Variants in AP3S2 observed in about 807,000 individuals in gnomAD.
AP3S2 encodes the protein AP-3 complex subunit sigma-2.
Under a neutral mutation model 23.4 loss-of-function variants are expected in AP3S2, and 22 were observed. The ratio of observed to expected loss-of-function variants is 0.94; its 90% CI spans 0.67 to 1.34. The LOEUF (loss-of-function observed/expected upper bound fraction) is 1.34, where lower values mean the gene tolerates loss of function less well. Ranked by LOEUF, AP3S2 falls within the 40% of genes most tolerant of loss-of-function variation. The probability of loss-of-function intolerance (pLI) is 0.00; values close to 1 mark genes in which losing one functional copy is unlikely to be tolerated. For synonymous variants in AP3S2, 86 were observed against 87.1 expected (o/e 0.99, Z 0.07); for missense variants, 241 against 236.9 (o/e 1.02, Z -0.11).
rs1349816144 is a variant in AP3S2, at chr15:89,854,087, G to C, written c.346-16365C>G. On this transcript the variant is annotated intron_variant, in intron 4 of 5. Transcript: ENST00000336418. Reference sequence around the variant, plus strand: ...AGGGAGGTGGGGGGTCAGCCCCCCCGCCCGGCCAGCCGTGCCATCCGGGAG... The same window carrying C: ...AGGGAGGTGGGGGGTCAGCCCCCCCCCCCGGCCAGCCGTGCCATCCGGGAG... Among the ~76,000 whole-genome samples the C allele has an allele frequency of 1.1e-4, 5 of 46,002 alleles. No individual in the cohort carries two copies. In the East Asian group the frequency reaches 5.0e-3, roughly 46 times the overall value. 30.2% of individuals were successfully genotyped at this position (46,002 alleles called of 152,430 possible).
At chr15:89,880,747 C>A in intron 3 of AP3S2, among the ~76,000 whole-genome samples, 1 of 151,644 alleles carries the variant, frequency 6.6e-6, no homozygotes, top group Non-Finnish European at 1.5e-5. Context: ...TCAGTTAACT[C>A]AGTAGAATAA....
chr15:89,847,681 G>T (rs1895530675), intron 4 of AP3S2, among the ~76,000 whole-genome samples: 1 of 152,134 alleles, frequency 6.6e-6, no homozygotes, highest in Non-Finnish European at 1.5e-5. Context: ...GGTACCTGAA[G>T]ATAATAAACA....
At chr15:89,841,691 C>T (rs1156604916) in intron 4 of AP3S2, among the ~76,000 whole-genome samples, 12 of 152,022 alleles carry the variant, frequency 7.9e-5, no homozygotes, top group Admixed American at 3.3e-4. Flanking sequence ...TAAGGGTAAA[C>T]GGACTCACCC....
chr15:89,856,217 A>G lies in AP3S2; in HGVS notation c.345+15258T>C, dbSNP rs115274247. On this transcript the variant is annotated intron_variant, in intron 4 of 5. Coordinates refer to ENST00000336418, the MANE Select transcript of AP3S2 (RefSeq NM_005829.5). ...TGAGCCCACCCCGAAACTAGCCAGT[A>G]TGCACAAGTCATAACCTTCAAAGGC... is the stretch of plus-strand genomic sequence containing the variant. Among the ~76,000 whole-genome samples, 472 of 152,318 alleles carry G rather than the reference A, an allele frequency of 3.1e-3. 6 individuals carry two copies. Among genetic ancestry groups the G allele is most frequent in the African/African-American group, 0.011 (454 of 41,582 alleles).
rs146881793 is a variant in AP3S2, at chr15:89,846,477, C to T, written c.346-8755G>A. On this transcript the variant is annotated intron_variant, in intron 4 of 5. Coordinates refer to ENST00000336418, the MANE Select transcript of AP3S2 (RefSeq NM_005829.5). The stretch of plus-strand genomic sequence containing the variant: ...GATTCAAGCGATCCTACAGCCTTAA[C>T]CTCCCCAGTAGCTGGGACTACAGGC... Among the ~76,000 whole-genome samples, 351 of 152,258 alleles carry T rather than the reference C, an allele frequency of 2.3e-3. 1 individual carries two copies. Among genetic ancestry groups the T allele is most frequent in the African/African-American group, 7.3e-3 (305 of 41,560 alleles).
At position 89,887,092 on chromosome 15, in the gene AP3S2, C is replaced by T. The variant is rs558935101; in HGVS notation, c.273+1429G>A. 3.3e-5 allele frequency among the ~76,000 whole-genome samples: 5 copies of T among 152,178 alleles called. No individual in the cohort carries two copies. The South Asian group carries it at 1.0e-3, about 32-fold the overall frequency. ...ATTACAGGTGTGAGCCACTGCACCC[C>T]GCCTTGAGCTCTTTCTATTATGCTG... On this transcript the variant is annotated intron_variant, in intron 3 of 5. Coordinates refer to ENST00000336418, the MANE Select transcript of AP3S2 (RefSeq NM_005829.5).
chr15:89,860,449 C>T (rs1242801565), intron 4 of AP3S2, among the ~76,000 whole-genome samples: 2 of 152,150 alleles, frequency 1.3e-5, no homozygotes, highest in Non-Finnish European at 2.9e-5. Context: ...AGCTAGTGTA[C>T]ACAGCACGGA....
chr15:89,855,945 TAAAAAAA>T (rs34784306), intron 4 of AP3S2, among the ~76,000 whole-genome samples: 10 of 111,986 alleles, frequency 8.9e-5, no homozygotes, highest in Non-Finnish European at 1.1e-4. Flanking sequence ...ATATGTCCTT[TAAAAAAA>T]AAAAAAAAAA....
rs750130531 is a variant in AP3S2, at chr15:89,837,729, G to A, written c.346-7C>T. ...CCTGGAGGATGTAGTGCACCTAAAA[G>A]GGAAGCAAAAATCAGGAGTCAGAAT... On this transcript the variant is annotated splice_polypyrimidine_tract_variant and splice_region_variant and intron_variant, in intron 4 of 5. Coordinates refer to ENST00000336418, the MANE Select transcript of AP3S2 (RefSeq NM_005829.5). 6.2e-7 allele frequency: 1 copy of A among 1,612,772 alleles called. No homozygotes were observed. Among genetic ancestry groups the A allele is most frequent in the African/African-American group, 1.3e-5 (1 of 74,888 alleles).
chr15:89,867,053 C>G (rs1433533494), intron 4 of AP3S2, among the ~76,000 whole-genome samples: 2 of 140,372 alleles, frequency 1.4e-5, no homozygotes, highest in Non-Finnish European at 3.1e-5. Flanking sequence ...CCTCTCCCCA[C>G]GGTCTCCCTC....
chr15:89,850,263 A>G (rs1232516530), intron 4 of AP3S2, among the ~76,000 whole-genome samples: 1 of 152,172 alleles, frequency 6.6e-6, no homozygotes, highest in African/African-American at 2.4e-5. Context: ...TCTTCTTGTC[A>G]TAAAATTCCA....
At chr15:89,868,050 G>A (rs1482772810) in intron 4 of AP3S2, among the ~76,000 whole-genome samples, 26 of 127,372 alleles carry the variant, frequency 2.0e-4, no homozygotes, top group African/African-American at 5.9e-4. Context: ...GCCTCTGCCC[G>A]GCCGCCCCTA....
intron 3 of AP3S2, among the ~76,000 whole-genome samples, chr15:89,873,911 C>T (rs1896380118): frequency 8.5e-6 from 1 of 117,462 alleles, no homozygotes; most frequent in African/African-American, 3.2e-5. Context: ...GACAAGGTCT[C>T]ACTCTGTCAC....
chr15:89,860,035 G>C (rs1895975916), intron 4 of AP3S2, among the ~76,000 whole-genome samples: 1 of 152,246 alleles, frequency 6.6e-6, no homozygotes, highest in South Asian at 2.1e-4. Flanking sequence ...AAAGTGCTGG[G>C]ATTACAGGCA....
intron 4 of AP3S2, among the ~76,000 whole-genome samples, chr15:89,840,324 T>C (rs1895297674): frequency 6.6e-6 from 1 of 152,240 alleles, no homozygotes; most frequent in Admixed American, 6.5e-5. Context: ...GGGTAGAAAG[T>C]AGTACTTGTT....
At position 89,831,496 on chromosome 15, in the gene AP3S2, C is replaced by T. The variant is rs1567169189; in HGVS notation, c.*4019G>A. The T allele has an allele frequency of 1.3e-5, 2 of 152,358 alleles. No individual in the cohort carries two copies. Among genetic ancestry groups the T allele is most frequent in the South Asian group, 2.1e-4 (1 of 4,830 alleles). The allele number at this position is 152,358 out of a possible 1,614,324, so 9.4% of individuals were successfully genotyped here. ...CTAAACTTGGACTAGCCCCTACTAC[C>T]GATCTTAATACCCATGTACCAATCA... On this transcript the variant is annotated 3_prime_UTR_variant, in exon 6 of 6. Coordinates refer to ENST00000336418, the MANE Select transcript of AP3S2 (RefSeq NM_005829.5).
chr15:89,879,467 T>C (rs761237847), intron 3 of AP3S2, among the ~76,000 whole-genome samples: 2 of 152,168 alleles, frequency 1.3e-5, no homozygotes, highest in Non-Finnish European at 2.9e-5. Context: ...ACAAGTAGCA[T>C]GATGAATCAA....
intron 3 of AP3S2, among the ~76,000 whole-genome samples, chr15:89,885,004 G>T (rs983357249): frequency 6.6e-6 from 1 of 152,058 alleles, no homozygotes; most frequent in African/African-American, 2.4e-5. Context: ...CATAAAATGC[G>T]CTTAGGTAGT....
chr15:89,866,576 C>T (rs1249471786), intron 4 of AP3S2, among the ~76,000 whole-genome samples: 1 of 151,516 alleles, frequency 6.6e-6, no homozygotes, highest in African/African-American at 2.4e-5. Context: ...ACCTCTGCCT[C>T]CTGGGTTCAA....
Sources: gnomAD v4.1 joint callset for allele counts (sites outside exome capture counted in the v4.1 genomes callset) on GRCh38, gnomAD v4.1.1 for gene constraint, MANE v1.5 for transcripts, NCBI Gene and HGNC (gene_info 2026-07-23, HGNC 2026-07-21) for gene names.